Variants in ZNF131 observed in about 807,000 individuals in gnomAD.
ZNF131 encodes zinc finger protein 131.
A neutral mutation model predicts 60.0 loss-of-function variants in ZNF131; 7 were observed. That is an observed-to-expected ratio of 0.12 (90% CI 0.07 to 0.22). The LOEUF (loss-of-function observed/expected upper bound fraction) is 0.22. ZNF131 is among the 10% of genes least tolerant of loss of function. ZNF131 has a pLI of 1.00. For synonymous variants in ZNF131, 257 were observed against 253.2 expected (o/e 1.01, Z -0.14); for missense variants, 493 against 740.9 (o/e 0.67, Z 3.88).
At chr5:43,174,285 A>G (rs780584276) in intron 6 of ZNF131, among the ~76,000 whole-genome samples, 162 bp from the exon 7 acceptor site, 24 of 152,392 alleles carry the variant, frequency 1.6e-4, no homozygotes, top group Non-Finnish European at 2.4e-4. Context: ...CAAATGAACC[A>G]AAGAATTATG....
At chr5:43,154,425 AAAG>A (rs1049591655) in intron 4 of ZNF131, among the ~76,000 whole-genome samples, 7 of 152,150 alleles carry the variant, frequency 4.6e-5, no homozygotes, top group South Asian at 2.1e-4. Flanking sequence ...AAAAAAAAAA[AAAG>A]AAGTGTCAGA....
At chr5:43,145,910 G>T (rs150487896) in intron 4 of ZNF131, among the ~76,000 whole-genome samples, 1 of 152,218 alleles carries the variant, frequency 6.6e-6, no homozygotes, top group African/African-American at 2.4e-5. Flanking sequence ...TCTTCCAACC[G>T]ATTATACCAT....
intron 4 of ZNF131, among the ~76,000 whole-genome samples, chr5:43,148,043 CTTT>C (rs55979930): frequency 8.1e-6 from 1 of 123,780 alleles, no homozygotes; most frequent in Non-Finnish European, 1.7e-5. Flanking sequence ...GACAAGAGTG[CTTT>C]TTTTTTTTTT....
intron 3 of ZNF131, among the ~76,000 whole-genome samples, chr5:43,131,464 C>T (rs1307123635): frequency 3.9e-5 from 6 of 152,320 alleles, no homozygotes; most frequent in South Asian, 2.1e-4. Context: ...TGAGCCACCG[C>T]GCCTGGCCCT....
Position 43,161,861 on chromosome 5 carries a change from T to C in ZNF131, c.984T>C (p.His328=), listed in dbSNP as rs1185011094. 4 of 1,614,118 alleles carry C rather than the reference T, an allele frequency of 2.5e-6. No homozygotes were observed. The highest frequency in any genetic ancestry group is 3.4e-6 in the Non-Finnish European group (4 of 1,180,024). Reference sequence around the variant, plus strand: ...AGCAAAGAACTGGGAAAAAAATTCATGTATGTCAGTACTGTGAGAAACAGT... The same window carrying C: ...AGCAAAGAACTGGGAAAAAAATTCACGTATGTCAGTACTGTGAGAAACAGT... ...SKKQRTGKKI[H]VCQYCEKQFD... is the part of the protein sequence containing the mutation. Residue 328 remains histidine (H), a synonymous_variant, in exon 5 of 7, where the codon CAT becomes CAC. Transcript: ENST00000682664.
At chr5:43,138,912 A>G (rs1561403986) in intron 3 of ZNF131, among the ~76,000 whole-genome samples, 1 of 152,206 alleles carries the variant, frequency 6.6e-6, no homozygotes, top group South Asian at 2.1e-4. Flanking sequence ...TAGCCAATTC[A>G]TATATTTGAG....
chr5:43,127,965 A>G (rs192163514), intron 3 of ZNF131, among the ~76,000 whole-genome samples: 42 of 152,356 alleles, frequency 2.8e-4, no homozygotes, highest in Non-Finnish European at 5.9e-4. Context: ...CCTACTATCA[A>G]GAACAAAACA....
chr5:43,121,808 G>T, intron 1 of ZNF131: 1 of 333,916 alleles, frequency 3.0e-6, no homozygotes. Context: ...GCTCTAGCTC[G>T]CGTCTCCCGA....
intron 3 of ZNF131, among the ~76,000 whole-genome samples, chr5:43,138,381 C>T (rs1417462056): frequency 3.9e-5 from 6 of 151,976 alleles, no homozygotes; most frequent in African/African-American, 7.3e-5. Flanking sequence ...AGGCTGGGTG[C>T]GGTGGCTCAC....
At chr5:43,155,346 T>G (rs1421632397) in intron 4 of ZNF131, among the ~76,000 whole-genome samples, 1 of 152,234 alleles carries the variant, frequency 6.6e-6, no homozygotes, top group South Asian at 2.1e-4. Flanking sequence ...TAGTTAGGGA[T>G]CAGTTTCAAC....
chr5:43,122,474 A>G (rs1014046362), intron 2 of ZNF131, among the ~76,000 whole-genome samples: 1 of 152,164 alleles, frequency 6.6e-6, no homozygotes, highest in Non-Finnish European at 1.5e-5. Flanking sequence ...GATTGTCTCA[A>G]AATGTTTGGT....
intron 4 of ZNF131, among the ~76,000 whole-genome samples, chr5:43,148,268 G>A (rs35665483): frequency 0.089 from 13,562 of 152,010 alleles, 808 homozygotes; most frequent in East Asian, 0.19. Flanking sequence ...AGTCCCAGCT[G>A]CTTGGGGAGC....
Position 43,130,264 on chromosome 5 carries a change from C to CAA in ZNF131, c.226+6971_226+6972dup, listed in dbSNP as rs570313526. ...GAGCGATAGAGTAAGACTCTGTCTC[C>CAA]AAAAAAAAAAAAAAAAAAGAGGAAA... On this transcript the variant is annotated intron_variant, in intron 3 of 6. Coordinates refer to ENST00000682664, the MANE Select transcript of ZNF131 (RefSeq NM_001330707.2). Among the ~76,000 whole-genome samples the CAA allele has an allele frequency of 3.6e-3, 245 of 68,384 alleles. 11 individuals carry two copies. Among genetic ancestry groups the CAA allele is most frequent in the African/African-American group, 0.014 (232 of 17,018 alleles). The allele number at this position is 68,384 out of a possible 152,430, so 44.9% of individuals were successfully genotyped here. A position where few individuals can be genotyped will look rare whatever the true frequency, so the allele number is the denominator to read the frequency against.
rs1270320169 is a variant in ZNF131, at chr5:43,168,037, A to C, written c.1055-5281A>C. On this transcript the variant is annotated intron_variant, in intron 5 of 6. Transcript: ENST00000682664. The stretch of plus-strand genomic sequence containing the variant: ...CATGCAGGGCATCACATGGTGAGGG[A>C]GTTGAGCATGCTAGCTCAGGTTTCT... The C allele has an allele frequency of 3.0e-5, 13 of 435,026 alleles. 1 individual carries two copies. The highest frequency in any genetic ancestry group is 2.2e-4 in the South Asian group (13 of 59,408). The allele number at this position is 435,026 out of a possible 1,614,324, so 26.9% of individuals were successfully genotyped here.
intron 5 of ZNF131, among the ~76,000 whole-genome samples, chr5:43,172,124 A>C (rs1453716139): frequency 6.6e-6 from 1 of 152,232 alleles, no homozygotes; most frequent in Non-Finnish European, 1.5e-5. Flanking sequence ...GCCCCATGGC[A>C]GTGGGCCTTC....
intron 4 of ZNF131, among the ~76,000 whole-genome samples, chr5:43,148,617 A>T (rs1334138388): frequency 5.9e-5 from 9 of 152,250 alleles, no homozygotes. Context: ...GAATGGGTGT[A>T]GCTATGTTTT....
chr5:43,138,496 T>C (rs933857792), intron 3 of ZNF131, among the ~76,000 whole-genome samples: 4 of 152,032 alleles, frequency 2.6e-5, no homozygotes, highest in Non-Finnish European at 5.9e-5. Context: ...CTACTAAAAA[T>C]TCAAAATTAG....
intron 4 of ZNF131, chr5:43,143,282 A>G: frequency 2.3e-6 from 2 of 869,500 alleles, no homozygotes; most frequent in Non-Finnish European, 3.0e-6. Flanking sequence ...CTGCCTCCCA[A>G]AGTGCTGGGA....
rs70991484 is a variant in ZNF131, at chr5:43,136,476, C to CTTTTTTTTT, written c.227-2667_227-2659dup. ...AAAGAACAAAGCTAGAGGCATCATACTTTTTTTTTTTTTTTTTTTTTTTTT... is the reference window on the plus strand; with the variant it reads ...AAAGAACAAAGCTAGAGGCATCATACTTTTTTTTTTTTTTTTTTTTTTTTTTTTTTTTTT... On this transcript the variant is annotated intron_variant, in intron 3 of 6. Coordinates refer to ENST00000682664, the MANE Select transcript of ZNF131 (RefSeq NM_001330707.2). 2.6e-4 allele frequency among the ~76,000 whole-genome samples: 18 copies of CTTTTTTTTT among 70,058 alleles called. 2 individuals are homozygous for CTTTTTTTTT. The highest frequency in any genetic ancestry group is 8.2e-4 in the African/African-American group (15 of 18,304). 46.0% of individuals were successfully genotyped at this position (70,058 alleles called of 152,430 possible).
Sources: gnomAD v4.1 joint callset for allele counts (sites outside exome capture counted in the v4.1 genomes callset) on GRCh38, gnomAD v4.1.1 for gene constraint, MANE v1.5 for transcripts, NCBI Gene and HGNC (gene_info 2026-07-23, HGNC 2026-07-21) for gene names.